Variants in VTI1A observed in about 807,000 individuals in gnomAD.
VTI1A encodes vesicle transport through interaction with t-SNAREs 1A.
A neutral mutation model predicts 34.9 loss-of-function variants in VTI1A; 22 were observed. The observed-to-expected ratio is 0.63, with a 90% CI of 0.45 to 0.90. The LOEUF (loss-of-function observed/expected upper bound fraction) is 0.90, where lower values mean the gene tolerates loss of function less well. Among genes scored for constraint, VTI1A ranks in the 40% least tolerant of loss-of-function variants. VTI1A has a pLI of 0.00. For missense variants in VTI1A, 268 were observed against 275.6 expected (o/e 0.97, Z 0.20); for synonymous variants, 87 against 97.3 (o/e 0.89, Z 0.62).
chr10:112,844,805 G>T, the VTI1A span, among the ~76,000 whole-genome samples: 5 of 152,170 alleles, frequency 3.3e-5, no homozygotes, highest in Non-Finnish European at 7.3e-5. Context: ...ACTGTGCAGC[G>T]CAAAATTTCG....
At chr10:112,614,120 G>A (rs1845424581) in intron 5 of VTI1A, among the ~76,000 whole-genome samples, 1 of 152,122 alleles carries the variant, frequency 6.6e-6, no homozygotes, top group South Asian at 2.1e-4. Flanking sequence ...TCATGGAAAT[G>A]TGCTCAGTTA....
At chr10:112,738,471 A>T (rs1405053537) in intron 7 of VTI1A, among the ~76,000 whole-genome samples, 1 of 152,084 alleles carries the variant, frequency 6.6e-6, no homozygotes, top group Non-Finnish European at 1.5e-5. Flanking sequence ...TTTTCTTTAT[A>T]TCTAGGATTC....
chr10:112,789,382 C>A lies in VTI1A; in HGVS notation c.561-25908C>A, dbSNP rs190832514. Among the ~76,000 whole-genome samples the A allele has an allele frequency of 2.0e-5, 3 of 152,310 alleles. No individual in the cohort carries two copies. In the East Asian group the frequency reaches 5.8e-4, roughly 29 times the overall value. Reference sequence around the variant, plus strand: ...AGAATATGTCATTCCACTGTCTTCTCTTCCATTGTTTCTGATGAGAAGTCA... The same window carrying A: ...AGAATATGTCATTCCACTGTCTTCTATTCCATTGTTTCTGATGAGAAGTCA... On this transcript the variant is annotated intron_variant, in intron 7 of 7. Coordinates refer to ENST00000393077, the MANE Select transcript of VTI1A (RefSeq NM_145206.4).
At chr10:112,653,339 A>G (rs943840402) in intron 5 of VTI1A, among the ~76,000 whole-genome samples, 2 of 152,122 alleles carry the variant, frequency 1.3e-5, no homozygotes, top group Non-Finnish European at 2.9e-5. Flanking sequence ...TATTTGATTG[A>G]TGACATCCAA....
At chr10:112,571,025 T>C (rs1852097260) in intron 5 of VTI1A, among the ~76,000 whole-genome samples, 1 of 152,252 alleles carries the variant, frequency 6.6e-6, no homozygotes, top group Admixed American at 6.5e-5. Context: ...GCATCTTCTA[T>C]GTGTTGCATA....
chr10:112,714,090 C>T (rs1156797935), intron 7 of VTI1A, among the ~76,000 whole-genome samples: 4 of 152,128 alleles, frequency 2.6e-5, no homozygotes, highest in African/African-American at 9.7e-5. Flanking sequence ...AATGCATTCC[C>T]TATTGAAAAC....
the VTI1A span, among the ~76,000 whole-genome samples, chr10:112,844,676 G>A: frequency 6.6e-6 from 1 of 152,240 alleles, no homozygotes; most frequent in Non-Finnish European, 1.5e-5. Flanking sequence ...TAGGATTACA[G>A]GCGTGAGCCA....
chr10:112,707,338 A>AT (rs559339459), intron 7 of VTI1A, among the ~76,000 whole-genome samples: 21 of 148,094 alleles, frequency 1.4e-4, no homozygotes, highest in South Asian at 4.3e-4. Flanking sequence ...CAGGCTAACT[A>AT]TTTTTTTTTT....
chr10:112,567,114 C>T (rs1027601808), intron 5 of VTI1A, among the ~76,000 whole-genome samples: 3 of 152,076 alleles, frequency 2.0e-5, no homozygotes, highest in Non-Finnish European at 2.9e-5. Flanking sequence ...ACTGCAGCCT[C>T]GACCTCCCTG....
At chr10:112,505,143 G>T (rs909632616) in intron 3 of VTI1A, among the ~76,000 whole-genome samples, 2 of 151,834 alleles carry the variant, frequency 1.3e-5, no homozygotes, top group Non-Finnish European at 2.9e-5. Flanking sequence ...TTTTTATATA[G>T]TTGAAATTAT....
intron 5 of VTI1A, among the ~76,000 whole-genome samples, chr10:112,547,107 C>G (rs1851160101): frequency 1.3e-5 from 2 of 152,088 alleles, no homozygotes; most frequent in African/African-American, 4.8e-5. Context: ...TGGTGAAACC[C>G]CATGTCCACA....
intron 5 of VTI1A, among the ~76,000 whole-genome samples, chr10:112,567,450 C>T (rs1374303688): frequency 6.6e-6 from 1 of 152,146 alleles, no homozygotes; most frequent in Non-Finnish European, 1.5e-5. Flanking sequence ...TTTATATTAT[C>T]TATATCTCAA....
the VTI1A span, among the ~76,000 whole-genome samples, chr10:112,833,474 T>G: frequency 6.6e-6 from 1 of 152,060 alleles, no homozygotes; most frequent in African/African-American, 2.4e-5. Flanking sequence ...ACTCCTAAGT[T>G]CTGGCCCTGG....
chr10:112,538,169 G>T (rs1184117439), intron 4 of VTI1A, 77 bp from the exon 5 acceptor site: 1 of 1,313,544 alleles, frequency 7.6e-7, no homozygotes, highest in Non-Finnish European at 1.1e-6. Context: ...GCATACGAAG[G>T]CATTTTTTTT....
intron 7 of VTI1A, chr10:112,737,953 G>C: frequency 1.1e-6 from 1 of 952,074 alleles, no homozygotes; most frequent in Non-Finnish European, 1.3e-6. Flanking sequence ...TTTAGGCGGG[G>C]ATGCTTAGGG....
At chr10:112,673,646 C>T (rs1847935120) in intron 7 of VTI1A, among the ~76,000 whole-genome samples, 1 of 152,260 alleles carries the variant, frequency 6.6e-6, no homozygotes, top group South Asian at 2.1e-4. Flanking sequence ...CAGGACCATT[C>T]ACACAATATT....
At chr10:112,460,726 G>A in intron 2 of VTI1A, 144 bp downstream of exon 2, 1 of 597,792 alleles carries the variant, frequency 1.7e-6, no homozygotes, top group East Asian at 3.4e-5. Flanking sequence ...TTTTTAAATT[G>A]AAGAGATTTT....
intron 5 of VTI1A, among the ~76,000 whole-genome samples, chr10:112,666,702 A>G (rs1847653430): frequency 6.6e-6 from 1 of 152,210 alleles, no homozygotes; most frequent in African/African-American, 2.4e-5. Flanking sequence ...AAGGCAGGAC[A>G]GATATTTTAT....
intron 4 of VTI1A, among the ~76,000 whole-genome samples, chr10:112,537,042 G>A (rs904684511): frequency 6.6e-6 from 1 of 151,876 alleles, no homozygotes; most frequent in Non-Finnish European, 1.5e-5. Context: ...ATTAGAGCAA[G>A]GTAGATCGTT....
Sources: gnomAD v4.1 joint callset for allele counts (sites outside exome capture counted in the v4.1 genomes callset) on GRCh38, gnomAD v4.1.1 for gene constraint, MANE v1.5 for transcripts, NCBI Gene and HGNC (gene_info 2026-07-23, HGNC 2026-07-21) for gene names.